Variants in BRD8 observed in about 807,000 individuals in gnomAD.
BRD8 encodes bromodomain containing 8.
A neutral mutation model predicts 143.1 loss-of-function variants in BRD8; 67 were observed. The ratio of observed to expected loss-of-function variants is 0.47; its 90% CI spans 0.38 to 0.57. BRD8 has a LOEUF of 0.57. Among genes scored for constraint, BRD8 ranks in the 20% least tolerant of loss-of-function variants. The probability of loss-of-function intolerance (pLI) is 0.00; values close to 1 mark genes in which losing one functional copy is unlikely to be tolerated. For synonymous variants in BRD8, 505 were observed against 517.1 expected (o/e 0.98, Z 0.32); for missense variants, 1,103 against 1,503.0 (o/e 0.73, Z 4.40).
At chr5:138,155,453 A>G (rs1752548061) in intron 20 of BRD8, among the ~76,000 whole-genome samples, 1 of 151,352 alleles carries the variant, frequency 6.6e-6, no homozygotes, top group African/African-American at 2.4e-5. Context: ...CCGAATTTAA[A>G]AAAAAAAAAA....
At chr5:138,178,467 C>T (rs1163641632) in intron 1 of BRD8, 129 bp downstream of exon 1, 1 of 871,668 alleles carries the variant, frequency 1.1e-6, no homozygotes, top group Non-Finnish European at 2.0e-6. Context: ...TGCTGTAGAG[C>T]GCAGGTCTCT....
At chr5:138,158,080 A>G (rs1752720059) in intron 20 of BRD8, among the ~76,000 whole-genome samples, 2 of 152,244 alleles carry the variant, frequency 1.3e-5, no homozygotes, top group East Asian at 1.9e-4. Flanking sequence ...GAAAATAAAA[A>G]GGTGGTAACC....
chr5:138,164,629 A>G (rs1290915420), intron 12 of BRD8, 85 bp downstream of exon 12: 2 of 1,481,656 alleles, frequency 1.3e-6, no homozygotes, highest in Admixed American at 2.0e-5. Flanking sequence ...TCAGGAATGC[A>G]ACTGGAAAAC....
At position 138,170,365 on chromosome 5, in the gene BRD8, G is replaced by A; in HGVS notation, c.485C>T (p.Ala162Val). The A allele has an allele frequency of 6.2e-7, 1 of 1,613,498 alleles. No individual in the cohort carries two copies. Among genetic ancestry groups the A allele is most frequent in the Non-Finnish European group, 8.5e-7 (1 of 1,179,466 alleles). Residue 162 changes from alanine (A) to valine (V), a missense_variant, in exon 7 of 27, where the codon GCT (alanine) becomes GTT (valine). Ala to Val is a moderately conservative substitution (Grantham distance 64, BLOSUM62 0). This residue lies in a region of BRD8 where 334 missense variants were observed against 372.5 expected (regional missense o/e 0.90). Transcript: ENST00000254900. ...CTTACCCTGGTATGCAGCATCTGTAGCCTTCCTCTTTACTTCAGCCTCCTC... is the reference window on the plus strand; with the variant it reads ...CTTACCCTGGTATGCAGCATCTGTAACCTTCCTCTTTACTTCAGCCTCCTC... Reference protein sequence around the residue: ...EEEEAEVKRKATDAAYQARQA... With the variant: ...EEEEAEVKRKVTDAAYQARQA...
At chr5:138,148,694 T>C (rs548270228) in intron 23 of BRD8, among the ~76,000 whole-genome samples, 3 of 152,106 alleles carry the variant, frequency 2.0e-5, no homozygotes, top group African/African-American at 7.2e-5. Flanking sequence ...AAAAAAATTT[T>C]TTTATCCTCT....
At position 138,164,590 on chromosome 5, in the gene BRD8, G is replaced by A. The variant is rs1232078923; in HGVS notation, c.1731+124C>T. On this transcript the variant is annotated intron_variant, in intron 12 of 26. Coordinates refer to ENST00000254900, the MANE Select transcript of BRD8 (RefSeq NM_139199.2). ...TATATAACACTAATCACAGCCTATG[G>A]GCTTTGGACACATCAAACATGTCAG... 4 of 1,226,594 alleles carry A rather than the reference G, an allele frequency of 3.3e-6. No individual in the cohort carries two copies. The African/African-American group carries it at 6.1e-5, about 19-fold the overall frequency. 76.0% of individuals were successfully genotyped at this position (1,226,594 alleles called of 1,614,324 possible). A position where few individuals can be genotyped will look rare whatever the true frequency, so the allele number is the denominator to read the frequency against.
intron 8 of BRD8, 117 bp from the exon 9 acceptor site, chr5:138,168,195 G>C (rs1753597603): frequency 3.9e-6 from 3 of 767,848 alleles, no homozygotes; most frequent in Admixed American, 4.9e-5. Context: ...TATCCACAGA[G>C]AATAATTTAA....
chr5:138,174,929 G>A (rs1754196014), intron 2 of BRD8, among the ~76,000 whole-genome samples: 1 of 135,886 alleles, frequency 7.4e-6, no homozygotes, highest in Non-Finnish European at 1.5e-5. Context: ...TTGCTCTGTT[G>A]CCCAGGCTGG....
intron 23 of BRD8, 90 bp from the exon 24 acceptor site, chr5:138,145,968 A>G: frequency 1.1e-6 from 1 of 950,524 alleles, no homozygotes; most frequent in African/African-American, 1.6e-5. Context: ...TTCTTAAGAC[A>G]TGCTCCTAAT....
chr5:138,164,227 G>A, intron 13 of BRD8, 93 bp downstream of exon 13: 2 of 1,571,784 alleles, frequency 1.3e-6, no homozygotes, highest in South Asian at 2.2e-5. Flanking sequence ...TTTACATGCT[G>A]ACCTGTTCTA....
At chr5:138,177,728 C>T in intron 1 of BRD8, 61 bp from the exon 2 acceptor site, 1 of 1,004,658 alleles carries the variant, frequency 1.0e-6, no homozygotes, top group Non-Finnish European at 1.5e-6. Context: ...TAGTGCTAAG[C>T]TCCAAAATCC....
chr5:138,163,110 A>G lies in BRD8; in HGVS notation c.2087+20T>C, dbSNP rs1753136401. The G allele has an allele frequency of 6.2e-7, 1 of 1,610,900 alleles. No homozygotes were observed. The highest frequency in any genetic ancestry group is 1.7e-5 in the Admixed American group (1 of 59,978). On this transcript the variant is annotated intron_variant, in intron 15 of 26. Coordinates refer to ENST00000254900, the MANE Select transcript of BRD8 (RefSeq NM_139199.2). ...CACCTTCACTGCCTTGGCCTCAAAGAAAGAATCTCAGATACTCACAACTGT... is the reference window on the plus strand; with the variant it reads ...CACCTTCACTGCCTTGGCCTCAAAGGAAGAATCTCAGATACTCACAACTGT...
At chr5:138,153,696 A>G (rs1266425499) in intron 20 of BRD8, among the ~76,000 whole-genome samples, 1 of 75,944 alleles carries the variant, frequency 1.3e-5, no homozygotes, top group Admixed American at 1.7e-4. Flanking sequence ...TTTTTTTTTG[A>G]ACGAACTTTC....
chr5:138,168,457 G>A (rs1229038521), intron 8 of BRD8: 3 of 1,579,280 alleles, frequency 1.9e-6, no homozygotes, highest in Admixed American at 1.7e-5. Context: ...AACACCCACA[G>A]AAGTCTCCAT....
At chr5:138,154,954 C>T (rs1302746478) in intron 20 of BRD8, among the ~76,000 whole-genome samples, 3 of 151,568 alleles carry the variant, frequency 2.0e-5, no homozygotes, top group Non-Finnish European at 2.9e-5. Flanking sequence ...CTCAGCCTCC[C>T]GCGTAACTGG....
chr5:138,171,557 A>G, intron 3 of BRD8, 147 bp from the exon 4 acceptor site: 6 of 622,954 alleles, frequency 9.6e-6, no homozygotes, highest in Non-Finnish European at 1.7e-5. Context: ...AAGTAACTTT[A>G]TAATCAAATC....
At position 138,163,203 on chromosome 5, in the gene BRD8, T is replaced by C. The variant is rs1451392421; in HGVS notation, c.2014A>G (p.Ser672Gly). The change falls in exon 15 of 27, where the codon AGC becomes GGC. Residue 672 changes from serine to glycine, a missense_variant. Physicochemically the swap from Ser to Gly is moderately conservative, Grantham distance 56. Transcript: ENST00000254900. ...GACTGCAGTGTAGCATTGTGTATGC[T>C]GAAGCCATCATCACTCTCGCTCACA... is the stretch of plus-strand genomic sequence containing the variant. ...PPVSESDDGF[S>G]IHNATLQSHT... The C allele has an allele frequency of 4.3e-6, 7 of 1,614,132 alleles. No individual in the cohort carries two copies. Among genetic ancestry groups the C allele is most frequent in the Admixed American group, 3.3e-5 (2 of 59,992 alleles).
intron 10 of BRD8, 121 bp downstream of exon 10, chr5:138,166,397 T>C: frequency 1.5e-6 from 1 of 661,728 alleles, no homozygotes; most frequent in Non-Finnish European, 2.6e-6. Flanking sequence ...AGGATAAAGA[T>C]GGCACATGTC....
Position 138,177,606 on chromosome 5 carries a change from T to C in BRD8, c.81A>G (p.Leu27=). The C allele has an allele frequency of 6.2e-7, 1 of 1,609,488 alleles. No individual in the cohort carries two copies. Among genetic ancestry groups the C allele is most frequent in the South Asian group, 1.1e-5 (1 of 90,914 alleles). The change falls in exon 2 of 27, where the codon TTA becomes TTG. Residue 27 remains leucine, a synonymous_variant. Transcript: ENST00000254900. The part of the protein sequence containing the change: ...EPWSIREKLC[L]ASSVMRSGDQ... Reference sequence around the variant, plus strand: ...CGCCACTTCTCATGACAGAAGATGCTAAACATAGCTTCTCTCGGATGGACC... The same window carrying C: ...CGCCACTTCTCATGACAGAAGATGCCAAACATAGCTTCTCTCGGATGGACC...
Sources: gnomAD v4.1 joint callset for allele counts (sites outside exome capture counted in the v4.1 genomes callset) on GRCh38, gnomAD v4.1.1 for gene constraint, gnomAD v4.1.1 regional missense constraint, MANE v1.5 for transcripts, NCBI Gene and HGNC (gene_info 2026-07-23, HGNC 2026-07-21) for gene names.